CDC42BPB: variants seen among roughly 807,000 people sequenced by gnomAD.
CDC42BPB encodes CDC42 binding protein kinase beta, also known as serine/threonine-protein kinase MRCK beta.
Under a neutral mutation model 214.9 loss-of-function variants are expected in CDC42BPB, and 37 were observed. The ratio of observed to expected loss-of-function variants is 0.17; its 90% CI spans 0.13 to 0.23. The LOEUF (loss-of-function observed/expected upper bound fraction) is 0.23, where lower values mean the gene tolerates loss of function less well. Among genes scored for constraint, CDC42BPB ranks in the 10% least tolerant of loss-of-function variants. The pLI is 1.00. For missense variants in CDC42BPB, 1,694 were observed against 2,227.0 expected, an observed-to-expected ratio of 0.76 and a Z score of 4.82; for synonymous variants, 931 against 884.0, an observed-to-expected ratio of 1.05 and a Z score of -0.94.
intron 16 of CDC42BPB, among the ~76,000 whole-genome samples, chr14:102,967,570 C>T (rs1233276853): frequency 6.6e-6 from 1 of 152,234 alleles, no homozygotes; most frequent in Non-Finnish European, 1.5e-5. Context: ...GGTGCGGCTG[C>T]CGCACACCAG....
intron 1 of CDC42BPB, among the ~76,000 whole-genome samples, chr14:103,048,111 G>A (rs1888397121): frequency 6.6e-6 from 1 of 152,120 alleles, no homozygotes; most frequent in South Asian, 2.1e-4. Flanking sequence ...CAGGCCCGCA[G>A]GACACCCGGC....
chr14:102,948,160 G>C (rs1400159038), intron 26 of CDC42BPB, among the ~76,000 whole-genome samples: 1 of 17,872 alleles, frequency 5.6e-5, no homozygotes, highest in Non-Finnish European at 1.1e-4. Flanking sequence ...GTGGAAGTGA[G>C]GGGGGAGTGG....
chr14:103,031,054 T>C (rs535442628), intron 1 of CDC42BPB, among the ~76,000 whole-genome samples: 1 of 152,056 alleles, frequency 6.6e-6, no homozygotes, highest in South Asian at 2.1e-4. Flanking sequence ...CATATCCAAC[T>C]GAACCTAAGC....
chr14:103,010,476 G>C (rs903301892), intron 2 of CDC42BPB, among the ~76,000 whole-genome samples: 1 of 152,178 alleles, frequency 6.6e-6, no homozygotes, highest in Admixed American at 6.5e-5. Context: ...TGCTGCGAGA[G>C]GGGGGCTATT....
intron 12 of CDC42BPB, 166 bp from the exon 13 acceptor site, chr14:102,972,327 G>A (rs1893512792): frequency 1.1e-5 from 11 of 985,380 alleles, no homozygotes; most frequent in Non-Finnish European, 1.3e-5. Flanking sequence ...GCTCTGTCTC[G>A]TGCCAGCCAC....
chr14:103,048,532 CAAAAAAAAA>C lies in CDC42BPB; in HGVS notation c.175+8458_175+8466del, dbSNP rs71119751. 3.0e-4 allele frequency among the ~76,000 whole-genome samples: 13 copies of C among 42,656 alleles called. No individual in the cohort carries two copies. In the South Asian group the frequency reaches 4.5e-3, roughly 15 times the overall value. 28.0% of individuals were successfully genotyped at this position (42,656 alleles called of 152,430 possible). On this transcript the variant is annotated intron_variant, in intron 1 of 36. Transcript: ENST00000361246. ...TGAAACCCTGTTTCTACTAAAAATACAAAAAAAAAAAAAAAAAAAAAAAAAAAAATTAGC... is the reference window on the plus strand; with the variant it reads ...TGAAACCCTGTTTCTACTAAAAATACAAAAAAAAAAAAAAAAAAAATTAGC...
At position 102,944,887 on chromosome 14, in the gene CDC42BPB, A is replaced by G. The variant is rs1384059481; in HGVS notation, c.3812-400T>C. On this transcript the variant is annotated intron_variant, in intron 29 of 36. Coordinates refer to ENST00000361246, the MANE Select transcript of CDC42BPB (RefSeq NM_006035.4). The surrounding 1 kb of genome is among the most constrained non-coding windows in gnomAD (Gnocchi z 6.6). The stretch of plus-strand genomic sequence containing the variant: ...GAACCAGAGGGCCCTCACGCTGCAC[A>G]TGAGGGACAAAGAGCTGTCCCCAAC... Among the ~76,000 whole-genome samples the G allele has an allele frequency of 7.9e-5, 12 of 152,264 alleles. No individual in the cohort carries two copies. The highest frequency in any genetic ancestry group is 1.6e-4 in the Non-Finnish European group (11 of 68,000).
chr14:102,992,673 G>C (rs1028579656), intron 5 of CDC42BPB, among the ~76,000 whole-genome samples: 6 of 151,532 alleles, frequency 4.0e-5, no homozygotes, highest in African/African-American at 2.4e-5. Flanking sequence ...CATTACTTTA[G>C]CAGCTTTGAC....
At chr14:103,021,961 T>C (rs1325844003) in intron 1 of CDC42BPB, among the ~76,000 whole-genome samples, 2 of 151,942 alleles carry the variant, frequency 1.3e-5, no homozygotes, top group Admixed American at 6.6e-5. Context: ...GTTGCCTGCA[T>C]GGGAAGGCTG....
chr14:102,954,496 G>T, intron 22 of CDC42BPB, 106 bp downstream of exon 22: 2 of 1,368,496 alleles, frequency 1.5e-6, no homozygotes, highest in Non-Finnish European at 2.0e-6. Context: ...CTGGGCAGAG[G>T]CCCTCGCTGC....
intron 5 of CDC42BPB, among the ~76,000 whole-genome samples, chr14:102,997,459 T>C (rs1595124374): frequency 6.6e-6 from 1 of 152,072 alleles, no homozygotes. Flanking sequence ...TCGGAAAAGC[T>C]GGGAGCCAGT....
chr14:102,940,417 T>A, intron 30 of CDC42BPB, 93 bp from the exon 31 acceptor site: 1 of 1,535,750 alleles, frequency 6.5e-7, no homozygotes, highest in Non-Finnish European at 8.8e-7. Context: ...CTTGAACAAG[T>A]GCAGAGGCGG....
chr14:103,043,001 A>C lies in CDC42BPB; in HGVS notation c.175+13998T>G, dbSNP rs75287236. ...TTCAGAGAATAGGTATTAAAAATAAACAAAAGGTACTTTGGGAGGCCCAGG... is the reference window on the plus strand; with the variant it reads ...TTCAGAGAATAGGTATTAAAAATAACCAAAAGGTACTTTGGGAGGCCCAGG... On this transcript the variant is annotated intron_variant, in intron 1 of 36. Transcript: ENST00000361246. Among the ~76,000 whole-genome samples, 777 of 130,032 alleles carry C rather than the reference A, an allele frequency of 6.0e-3. 11 individuals carry two copies. The highest frequency in any genetic ancestry group is 0.018 in the African/African-American group (726 of 39,962). 85.3% of individuals were successfully genotyped at this position (130,032 alleles called of 152,430 possible).
chr14:102,987,633 T>G (rs1894303016), intron 5 of CDC42BPB, among the ~76,000 whole-genome samples: 1 of 152,184 alleles, frequency 6.6e-6, no homozygotes, highest in Non-Finnish European at 1.5e-5. Context: ...ATGATAATTC[T>G]TACCTCAAAA....
At chr14:102,970,986 T>C (rs1893447739) in intron 13 of CDC42BPB, among the ~76,000 whole-genome samples, 1 of 152,166 alleles carries the variant, frequency 6.6e-6, no homozygotes, top group Non-Finnish European at 1.5e-5. Flanking sequence ...GCTTACAATA[T>C]GTCAACCATT....
chr14:102,992,096 A>G (rs571052082), intron 5 of CDC42BPB, among the ~76,000 whole-genome samples: 7 of 152,222 alleles, frequency 4.6e-5, no homozygotes, highest in African/African-American at 1.7e-4. Flanking sequence ...AGTTCTGCAT[A>G]GCACTGTGGG....
intron 20 of CDC42BPB, among the ~76,000 whole-genome samples, chr14:102,962,196 T>C (rs1328445483): frequency 1.3e-5 from 2 of 152,198 alleles, no homozygotes; most frequent in Non-Finnish European, 2.9e-5. Flanking sequence ...AAACCCCTCA[T>C]GCAAAGTGGG....
chr14:102,992,683 C>T (rs1438288036), intron 5 of CDC42BPB, among the ~76,000 whole-genome samples: 1 of 151,540 alleles, frequency 6.6e-6, no homozygotes, highest in African/African-American at 2.4e-5. Flanking sequence ...GCAGCTTTGA[C>T]ACAAAATCTT....
chr14:102,953,758 G>A (rs542864908), intron 23 of CDC42BPB, among the ~76,000 whole-genome samples: 1 of 152,362 alleles, frequency 6.6e-6, no homozygotes. Context: ...GAAAGGATGA[G>A]GCTCAGAACC....
Sources: gnomAD v4.1 joint callset for allele counts (sites outside exome capture counted in the v4.1 genomes callset) on GRCh38, gnomAD v4.1.1 for gene constraint, Gnocchi (gnomAD v3.1) non-coding constraint, MANE v1.5 for transcripts, NCBI Gene and HGNC (gene_info 2026-07-23, HGNC 2026-07-21) for gene names.